Variants in FTCDNL1 observed in about 807,000 individuals in gnomAD.
The protein encoded by FTCDNL1 is formiminotransferase N-terminal subdomain-containing protein.
A neutral mutation model predicts 5.9 loss-of-function variants in FTCDNL1; 11 were observed. The observed-to-expected ratio is 1.87, with a 90% CI of 1.18 to 3.10. The LOEUF is 3.10. FTCDNL1 is among the 30% of genes most tolerant of loss of function. The probability of loss-of-function intolerance (pLI) is 0.00; values close to 1 mark genes in which losing one functional copy is unlikely to be tolerated. For synonymous variants in FTCDNL1, 58 were observed against 24.8 expected (o/e 2.34, Z -3.99); for missense variants, 115 against 65.5 (o/e 1.76, Z -2.61).
chr2:199,823,403 A>T (rs1374605353), intron 3 of FTCDNL1, among the ~76,000 whole-genome samples: 2 of 152,130 alleles, frequency 1.3e-5, no homozygotes, highest in Non-Finnish European at 2.9e-5. Flanking sequence ...TTTTCAATTT[A>T]CTTTTTCCAG....
downstream of FTCDNL1, among the ~76,000 whole-genome samples, chr2:199,804,884 C>A (rs980349154): frequency 2.0e-5 from 3 of 152,088 alleles, no homozygotes; most frequent in Non-Finnish European, 4.4e-5. Context: ...ACTTAAAAAG[C>A]AAAACAGAGA....
At chr2:199,801,300 A>G (rs1277920942) in intron 3 of FTCDNL1, among the ~76,000 whole-genome samples, 1 of 152,188 alleles carries the variant, frequency 6.6e-6, no homozygotes, top group East Asian at 1.9e-4. Context: ...AAAAATGTCC[A>G]GAGCCACTCC....
chr2:199,695,620 C>A, the FTCDNL1 span, among the ~76,000 whole-genome samples: 1 of 152,138 alleles, frequency 6.6e-6, no homozygotes, highest in Non-Finnish European at 1.5e-5. Flanking sequence ...CCAAGCAGCT[C>A]CTGGGGAAGG....
the FTCDNL1 span, among the ~76,000 whole-genome samples, chr2:199,755,162 C>T: frequency 2.0e-5 from 3 of 152,126 alleles, no homozygotes; most frequent in Non-Finnish European, 4.4e-5. Flanking sequence ...AGGATTGTAG[C>T]CTTAAGGCAA....
the FTCDNL1 span, among the ~76,000 whole-genome samples, chr2:199,669,740 AC>A: frequency 6.6e-6 from 1 of 152,216 alleles, no homozygotes; most frequent in Non-Finnish European, 1.5e-5. Context: ...ACAGTTTATA[AC>A]AAAAGAACAG....
the FTCDNL1 span, among the ~76,000 whole-genome samples, chr2:199,696,450 A>T: frequency 2.0e-5 from 3 of 152,140 alleles, no homozygotes; most frequent in African/African-American, 7.2e-5. Context: ...TCAACACAGC[A>T]GGGCCTTAAC....
At chr2:199,713,569 G>C in the FTCDNL1 span, among the ~76,000 whole-genome samples, 1 of 152,092 alleles carries the variant, frequency 6.6e-6, no homozygotes. Context: ...TTTCTTGTTT[G>C]TGTATTTTAA....
chr2:199,847,253 T>C (rs2076755640), intron 2 of FTCDNL1, among the ~76,000 whole-genome samples: 1 of 152,076 alleles, frequency 6.6e-6, no homozygotes, highest in Non-Finnish European at 1.5e-5. Flanking sequence ...TTCCACTCAC[T>C]TAAAAATAAA....
chr2:199,745,129 A>T, the FTCDNL1 span, among the ~76,000 whole-genome samples: 1 of 152,214 alleles, frequency 6.6e-6, no homozygotes, highest in Non-Finnish European at 1.5e-5. Flanking sequence ...ACAAATGCAG[A>T]TTGCCACTTC....
At chr2:199,732,784 T>C in the FTCDNL1 span, among the ~76,000 whole-genome samples, 3 of 152,238 alleles carry the variant, frequency 2.0e-5, no homozygotes, top group African/African-American at 4.8e-5. Context: ...CCCATGATCA[T>C]TGGTTACCCA....
chr2:199,770,655 CCAGA>C (rs895414838), intron 3 of FTCDNL1, among the ~76,000 whole-genome samples: 3 of 152,140 alleles, frequency 2.0e-5, no homozygotes, highest in South Asian at 4.1e-4. Context: ...AATTAACCAC[CCAGA>C]CAAAGACTGG....
At chr2:199,798,391 T>A (rs1700273969) in intron 3 of FTCDNL1, among the ~76,000 whole-genome samples, 2 of 152,174 alleles carry the variant, frequency 1.3e-5, no homozygotes, top group Admixed American at 6.5e-5. Flanking sequence ...AAAGTTATAA[T>A]AAATGAGTTA....
chr2:199,711,883 A>G, the FTCDNL1 span, among the ~76,000 whole-genome samples: 1 of 152,134 alleles, frequency 6.6e-6, no homozygotes, highest in South Asian at 2.1e-4. Flanking sequence ...TGTTTAGTCA[A>G]TCCTCAGCCA....
At chr2:199,831,112 C>A (rs778907489) in intron 3 of FTCDNL1, among the ~76,000 whole-genome samples, 3 of 152,170 alleles carry the variant, frequency 2.0e-5, no homozygotes. Context: ...AACACCTATG[C>A]CTCCAAATGA....
the FTCDNL1 span, among the ~76,000 whole-genome samples, chr2:199,724,273 C>A: frequency 6.6e-6 from 1 of 151,900 alleles, no homozygotes; most frequent in Non-Finnish European, 1.5e-5. Flanking sequence ...ATTCTTCTCT[C>A]TTTTCTTTTT....
chr2:199,838,822 G>T (rs893942893), intron 3 of FTCDNL1, among the ~76,000 whole-genome samples: 9 of 152,156 alleles, frequency 5.9e-5, no homozygotes, highest in Non-Finnish European at 1.3e-4. Flanking sequence ...GAGGGCTGGG[G>T]TGAGTAATGA....
At chr2:199,784,943 C>T (rs1230176234) in intron 3 of FTCDNL1, among the ~76,000 whole-genome samples, 1 of 152,036 alleles carries the variant, frequency 6.6e-6, no homozygotes, top group Admixed American at 6.6e-5. Flanking sequence ...GAACACATGC[C>T]CAGTTAACTC....
the FTCDNL1 span, among the ~76,000 whole-genome samples, chr2:199,666,976 G>T: frequency 1.3e-5 from 2 of 151,928 alleles, no homozygotes; most frequent in Non-Finnish European, 2.9e-5. Flanking sequence ...CCTTGGTGGA[G>T]TTTTTCTCTT....
chr2:199,700,079 G>A, the FTCDNL1 span, among the ~76,000 whole-genome samples: 1 of 151,888 alleles, frequency 6.6e-6, no homozygotes, highest in South Asian at 2.1e-4. Context: ...CAAATAAAAG[G>A]CATTCAAATA....
Sources: allele counts gnomAD v4.1 joint callset (sites outside exome capture counted in the v4.1 genomes callset), GRCh38; gene constraint gnomAD v4.1.1; transcripts MANE v1.5; gene names NCBI Gene and HGNC (gene_info 2026-07-23, HGNC 2026-07-21).